The following EHMT1 variants were observed in gnomAD, a reference collection of about 807,000 sequenced individuals.
The protein encoded by EHMT1 is euchromatic histone lysine methyltransferase 1, also known as histone-lysine N-methyltransferase EHMT1.
Under a neutral mutation model 147.2 loss-of-function variants are expected in EHMT1, and 15 were observed. The ratio of observed to expected loss-of-function variants is 0.10; its 90% CI spans 0.07 to 0.16. EHMT1 has a LOEUF of 0.16. Among genes scored for constraint, EHMT1 ranks in the 10% least tolerant of loss-of-function variants. EHMT1 has a pLI of 1.00. For missense variants in EHMT1, 1,587 were observed against 1,772.4 expected (o/e 0.90, Z 1.88); for synonymous variants, 795 against 709.6 (o/e 1.12, Z -1.91).
In EHMT1 at chr9:137,774,765, G is replaced by C. The variant is rs111660455; in HGVS notation, c.1648-344G>C. Among the ~76,000 whole-genome samples, 11 of 138,770 alleles carry C rather than the reference G, an allele frequency of 7.9e-5. No homozygotes were observed. The South Asian group carries it at 2.6e-3, about 32-fold the overall frequency. The allele number at this position is 138,770 out of a possible 152,430, so 91.0% of individuals were successfully genotyped here. On this transcript the variant is annotated intron_variant, in intron 10 of 26. Coordinates refer to ENST00000460843, the MANE Select transcript of EHMT1 (RefSeq NM_024757.5). The stretch of plus-strand genomic sequence containing the variant: ...CCCTGGATCTGGTGGATGTGGTCGC[G>C]TCTGGCCCCCTGGATCTGGTGGGTG...
chr9:137,689,190 A>G (rs559902398), intron 1 of EHMT1, among the ~76,000 whole-genome samples: 2 of 152,352 alleles, frequency 1.3e-5, no homozygotes, highest in East Asian at 3.9e-4. Flanking sequence ...TATTGTGGAA[A>G]AAAATCAAAC....
chr9:137,814,629 G>A, intron 22 of EHMT1, 121 bp downstream of exon 22: 1 of 1,153,978 alleles, frequency 8.7e-7, no homozygotes, highest in Non-Finnish European at 1.3e-6. Context: ...GGAGTTGGAG[G>A]TGAGCTGGGT....
At chr9:137,696,216 C>T (rs536950290) in intron 1 of EHMT1, among the ~76,000 whole-genome samples, 2 of 152,282 alleles carry the variant, frequency 1.3e-5, no homozygotes, top group South Asian at 2.1e-4. Flanking sequence ...CCACCCCTTT[C>T]GATAATTAGC....
intron 3 of EHMT1, among the ~76,000 whole-genome samples, chr9:137,722,684 C>G (rs57109888): frequency 1.1e-4 from 16 of 151,366 alleles, no homozygotes; most frequent in African/African-American, 3.9e-4. Flanking sequence ...GGGTGCCCCC[C>G]TGTGCCCCCG....
Position 137,834,996 on chromosome 9 carries a change from G to A in EHMT1, c.*43G>A, listed in dbSNP as rs1026750933. 11 of 1,369,336 alleles carry A rather than the reference G, an allele frequency of 8.0e-6. No individual in the cohort carries two copies. Among genetic ancestry groups the A allele is most frequent in the East Asian group, 3.0e-5 (1 of 32,980 alleles). The allele number at this position is 1,369,336 out of a possible 1,614,324, so 84.8% of individuals were successfully genotyped here. ...GGGCGCTCGGGAGCCAGGGACCGCC[G>A]CGTCGCCGATTAGAGGACGAGGAGG... On this transcript the variant is annotated 3_prime_UTR_variant, in exon 27 of 27. Transcript: ENST00000460843.
intron 4 of EHMT1, among the ~76,000 whole-genome samples, chr9:137,729,013 G>GT (rs979317219): frequency 6.6e-6 from 1 of 152,142 alleles, no homozygotes; most frequent in Non-Finnish European, 1.5e-5. Context: ...GTGGATGAAC[G>GT]TTTGATTCCT....
intron 1 of EHMT1, among the ~76,000 whole-genome samples, chr9:137,629,758 G>A (rs967409636): frequency 6.6e-6 from 1 of 151,990 alleles, no homozygotes; most frequent in Non-Finnish European, 1.5e-5. Flanking sequence ...TCGAACTCCT[G>A]ACCTCAGGTG....
rs772392833 is a variant in EHMT1, at chr9:137,782,922, C to T, written c.2382+525C>T. ...CTGCCCGCTTGTCTCTGGGTTCAGA[C>T]ACACGACGCTGTTTGTCCCCCTGTG... On this transcript the variant is annotated intron_variant, in intron 15 of 26. Coordinates refer to ENST00000460843, the MANE Select transcript of EHMT1 (RefSeq NM_024757.5). This position sits in a 1 kb window ranked among gnomAD's most constrained non-coding sequence, Gnocchi z 5.7. Among the ~76,000 whole-genome samples the T allele has an allele frequency of 6.6e-6, 1 of 152,066 alleles. No homozygotes were observed. Among genetic ancestry groups the T allele is most frequent in the Non-Finnish European group, 1.5e-5 (1 of 68,018 alleles).
At chr9:137,762,941 T>C in intron 10 of EHMT1, 121 bp downstream of exon 10, 1 of 1,339,502 alleles carries the variant, frequency 7.5e-7, no homozygotes, top group African/African-American at 1.4e-5. Flanking sequence ...GGAGCCTGAG[T>C]GGATTCTGCG....
chr9:137,689,247 C>A (rs897813099), intron 1 of EHMT1, among the ~76,000 whole-genome samples: 4 of 152,206 alleles, frequency 2.6e-5, no homozygotes, highest in Admixed American at 6.5e-5. Flanking sequence ...ATCCCACCTC[C>A]TCCTCAGAAA....
At chr9:137,654,387 C>T (rs1487818587) in intron 1 of EHMT1, among the ~76,000 whole-genome samples, 3 of 139,120 alleles carry the variant, frequency 2.2e-5, no homozygotes, top group Middle Eastern at 3.4e-3. Flanking sequence ...CCACCTCCCC[C>T]CCACCAAAAA....
chr9:137,656,258 TAATCCCA>T (rs1325927232), intron 1 of EHMT1, among the ~76,000 whole-genome samples: 3 of 152,146 alleles, frequency 2.0e-5, no homozygotes, highest in Non-Finnish European at 4.4e-5. Flanking sequence ...CGTGCGCGTG[TAATCCCA>T]GCTACTCAGG....
At chr9:137,709,667 T>TCTCATA (rs1554842737) in intron 1 of EHMT1, among the ~76,000 whole-genome samples, 69 of 151,616 alleles carry the variant, frequency 4.6e-4, no homozygotes, top group African/African-American at 1.3e-3. Flanking sequence ...TTTTGCAGCC[T>TCTCATA]CTTCTTACCT....
intron 1 of EHMT1, chr9:137,650,790 C>G (rs1254369777): frequency 3.3e-5 from 5 of 151,858 alleles, no homozygotes; most frequent in African/African-American, 1.2e-4. Context: ...ATTCAGCCCC[C>G]CAAGTAGCCA....
intron 1 of EHMT1, among the ~76,000 whole-genome samples, chr9:137,704,971 C>T: frequency 6.7e-6 from 1 of 149,808 alleles, no homozygotes; most frequent in Non-Finnish European, 1.5e-5. Context: ...CCCTCCCTCC[C>T]TCTCTCTCTT....
chr9:137,773,762 A>G (rs1325809002), intron 10 of EHMT1, among the ~76,000 whole-genome samples: 1 of 152,198 alleles, frequency 6.6e-6, no homozygotes, highest in Non-Finnish European at 1.5e-5. Flanking sequence ...CAGACCGAAT[A>G]CGAAGAATGT....
chr9:137,804,168 A>G (rs1588803427), intron 18 of EHMT1, among the ~76,000 whole-genome samples: 2 of 152,206 alleles, frequency 1.3e-5, no homozygotes, highest in Non-Finnish European at 2.9e-5. Flanking sequence ...CCATAATCCA[A>G]TCAGGTCCCT....
chr9:137,740,142 C>G (rs2135988332), intron 4 of EHMT1, among the ~76,000 whole-genome samples: 1 of 152,306 alleles, frequency 6.6e-6, no homozygotes, highest in African/African-American at 2.4e-5. Flanking sequence ...ACCCAGCAGC[C>G]CAGCCTTCCT....
At chr9:137,744,763 C>T (rs192920706) in intron 6 of EHMT1, among the ~76,000 whole-genome samples, 73 of 152,366 alleles carry the variant, frequency 4.8e-4, no homozygotes, top group African/African-American at 1.5e-3. Flanking sequence ...ATGGGCCAGG[C>T]GTGCTCTCTT....
Sources: gnomAD v4.1 joint callset for allele counts (sites outside exome capture counted in the v4.1 genomes callset) on GRCh38, gnomAD v4.1.1 for gene constraint, Gnocchi (gnomAD v3.1) non-coding constraint, MANE v1.5 for transcripts, NCBI Gene and HGNC (gene_info 2026-07-23, HGNC 2026-07-21) for gene names.